BNC2: variants seen among roughly 807,000 people sequenced by gnomAD.
The protein encoded by BNC2 is zinc finger protein basonuclin-2.
A neutral mutation model predicts 76.3 loss-of-function variants in BNC2; 20 were observed. The ratio of observed to expected loss-of-function variants is 0.26; its 90% confidence interval spans 0.18 to 0.38. The LOEUF is 0.38. BNC2 is among the 10% of genes least tolerant of loss of function. The probability of loss-of-function intolerance (pLI) is 1.00; values close to 1 mark genes in which losing one functional copy is unlikely to be tolerated. For missense variants in BNC2, 1,382 were observed against 1,399.8 expected (o/e 0.99, Z 0.20); for synonymous variants, 582 against 514.8 (o/e 1.13, Z -1.77).
chr9:16,541,182 G>A (rs1818309648), intron 5 of BNC2, among the ~76,000 whole-genome samples: 1 of 152,200 alleles, frequency 6.6e-6, no homozygotes, highest in South Asian at 2.1e-4. Context: ...TTTCACCTAA[G>A]AGACCACAAT....
chr9:16,631,785 G>A (rs1386281405), intron 3 of BNC2, among the ~76,000 whole-genome samples: 1 of 152,160 alleles, frequency 6.6e-6, no homozygotes, highest in Non-Finnish European at 1.5e-5. Flanking sequence ...AACACACAGA[G>A]ATTTCCAGAG....
At chr9:16,686,220 T>C (rs1822972689) in intron 3 of BNC2, among the ~76,000 whole-genome samples, 1 of 152,168 alleles carries the variant, frequency 6.6e-6, no homozygotes, top group Non-Finnish European at 1.5e-5. Context: ...AAAAACCTTG[T>C]TTTATGTATC....
chr9:16,584,136 T>G (rs538350930), intron 3 of BNC2, among the ~76,000 whole-genome samples: 4 of 152,264 alleles, frequency 2.6e-5, no homozygotes, highest in Admixed American at 6.5e-5. Flanking sequence ...CTACTTGAAC[T>G]GCCAGGAAAA....
At chr9:16,590,501 G>A (rs1819894746) in intron 3 of BNC2, among the ~76,000 whole-genome samples, 1 of 149,684 alleles carries the variant, frequency 6.7e-6, no homozygotes. Context: ...CTTAAAAAAA[G>A]AAAATTTGTT....
At chr9:16,768,856 T>C (rs900230640) in intron 1 of BNC2, among the ~76,000 whole-genome samples, 1 of 152,152 alleles carries the variant, frequency 6.6e-6, no homozygotes, top group African/African-American at 2.4e-5. Flanking sequence ...AAATCAAGCG[T>C]TGAATTTAAA....
chr9:16,755,382 G>A (rs1165934979), intron 1 of BNC2, among the ~76,000 whole-genome samples: 2 of 152,128 alleles, frequency 1.3e-5, no homozygotes, highest in Non-Finnish European at 2.9e-5. Flanking sequence ...GAAAAGGGCA[G>A]GAGTCTAGAT....
intron 5 of BNC2, among the ~76,000 whole-genome samples, chr9:16,545,714 A>G (rs868074208): frequency 6.6e-6 from 1 of 152,154 alleles, no homozygotes; most frequent in African/African-American, 2.4e-5. Context: ...ACATGGCCTC[A>G]TTTACAAATC....
chr9:16,771,229 T>C (rs1490173287), intron 1 of BNC2, among the ~76,000 whole-genome samples: 1 of 152,172 alleles, frequency 6.6e-6, no homozygotes, highest in East Asian at 1.9e-4. Context: ...ATATCTGTCC[T>C]CAGGACAAGA....
Position 16,844,623 on chromosome 9 carries a change from C to T in BNC2, c.3+26023G>A, listed in dbSNP as rs574227001. Among the ~76,000 whole-genome samples, 34 of 151,584 alleles carry T rather than the reference C, an allele frequency of 2.2e-4. No individual in the cohort carries two copies. The South Asian group carries it at 2.5e-3, about 11-fold the overall frequency. ...AGCGATTCTTCCTGCCTCAGCCTCC[C>T]GAGTAGCTGGGACTACAGGCACCCG... On this transcript the variant is annotated intron_variant, in intron 1 of 6. Coordinates refer to ENST00000380672, the MANE Select transcript of BNC2 (RefSeq NM_017637.6).
intron 4 of BNC2, among the ~76,000 whole-genome samples, chr9:16,562,503 A>C (rs1027639405): frequency 1.3e-5 from 2 of 152,232 alleles, no homozygotes; most frequent in African/African-American, 4.8e-5. Context: ...TCATTTAGTA[A>C]GGTAGTTACA....
intron 1 of BNC2, among the ~76,000 whole-genome samples, chr9:16,822,714 CAAGT>C (rs980312373): frequency 1.2e-4 from 19 of 152,068 alleles, no homozygotes; most frequent in Admixed American, 2.6e-4. Context: ...AGCTGTGTGA[CAAGT>C]AAGTAAAGAT....
chr9:16,851,665 C>A (rs1819129939), intron 1 of BNC2, among the ~76,000 whole-genome samples: 1 of 152,102 alleles, frequency 6.6e-6, no homozygotes, highest in South Asian at 2.1e-4. Flanking sequence ...AATTATTTCT[C>A]AATAAAACTG....
At chr9:16,726,676 C>G (rs939008699) in intron 3 of BNC2, 1 of 151,728 alleles carries the variant, frequency 6.6e-6, no homozygotes, top group Admixed American at 6.6e-5. Flanking sequence ...TACTTTCGTG[C>G]TGTGTGGATG....
intron 5 of BNC2, among the ~76,000 whole-genome samples, chr9:16,543,320 A>G (rs1007500712): frequency 6.6e-6 from 1 of 152,212 alleles, no homozygotes; most frequent in Non-Finnish European, 1.5e-5. Flanking sequence ...AATTGGTGCT[A>G]GAATTAAGGT....
intron 5 of BNC2, among the ~76,000 whole-genome samples, chr9:16,462,910 TG>T (rs1195305330): frequency 6.6e-6 from 1 of 152,192 alleles, no homozygotes; most frequent in Non-Finnish European, 1.5e-5. Context: ...CATCCAGGCT[TG>T]TTTGATGTCC....
At chr9:16,731,899 A>G (rs1244258670) in intron 2 of BNC2, among the ~76,000 whole-genome samples, 1 of 152,140 alleles carries the variant, frequency 6.6e-6, no homozygotes, top group Non-Finnish European at 1.5e-5. Context: ...TTTACTTTTT[A>G]AAACCTTTTT....
rs777038789 is a variant in BNC2, at chr9:16,419,324, G to A, written c.2965C>T (p.Leu989Phe). The change falls in exon 7 of 7, where the codon CTT becomes TTT. Residue 989 changes from leucine (L) to phenylalanine (F), a missense_variant. Physicochemically the swap from Leu to Phe is conservative, Grantham distance 22. Coordinates refer to ENST00000380672, the MANE Select transcript of BNC2 (RefSeq NM_017637.6). The stretch of plus-strand genomic sequence containing the variant: ...CTCGCCCCGTCAATGTCATCGAGAA[G>A]AATCCCCTCATCGCTGCCTGCGTCG... ...ESDAGSDEGI[L>F]LDDIDGASDS... 5.0e-6 allele frequency: 8 copies of A among 1,613,302 alleles called. No homozygotes were observed. In the Admixed American group the frequency reaches 1.3e-4, roughly 27 times the overall value.
chr9:16,589,157 C>G (rs555852999), intron 3 of BNC2, among the ~76,000 whole-genome samples: 4 of 152,086 alleles, frequency 2.6e-5, no homozygotes, highest in Admixed American at 2.6e-4. Flanking sequence ...TTAACCTTCA[C>G]CAATCTCCCA....
chr9:16,664,672 G>A (rs1822212702), intron 3 of BNC2, among the ~76,000 whole-genome samples: 1 of 150,554 alleles, frequency 6.6e-6, no homozygotes, highest in African/African-American at 2.5e-5. Flanking sequence ...TAAAAGTAGG[G>A]GCAATAAGGG....
Sources: gnomAD v4.1 joint callset for allele counts (sites outside exome capture counted in the v4.1 genomes callset) on GRCh38, gnomAD v4.1.1 for gene constraint, MANE v1.5 for transcripts, NCBI Gene and HGNC (gene_info 2026-07-23, HGNC 2026-07-21) for gene names.